The following NDC1 variants were observed in gnomAD, a reference collection of about 807,000 sequenced individuals.
NDC1 encodes NDC1 transmembrane nucleoporin, also known as nucleoporin NDC1.
A neutral mutation model predicts 89.8 loss-of-function variants in NDC1; 24 were observed. The ratio of observed to expected loss-of-function variants is 0.27; its 90% CI spans 0.19 to 0.38. NDC1 has a LOEUF of 0.38. Ranked by LOEUF, NDC1 falls within the 10% of genes least tolerant of loss-of-function variation. The pLI is 1.00. For missense variants in NDC1, 728 were observed against 797.6 expected (o/e 0.91, Z 1.05); for synonymous variants, 296 against 284.8 (o/e 1.04, Z -0.39).
Position 53,797,821 on chromosome 1 carries a change from T to C in NDC1, c.1223-677A>G, listed in dbSNP as rs187105886. ...TTTTTTTATTTTTTGTAGAGACAGA[T>C]TCGCCATGTTTCCCAGGTTGGTCTT... is the stretch of plus-strand genomic sequence containing the variant. On this transcript the variant is annotated intron_variant, in intron 11 of 17. Transcript: ENST00000371429. 6.6e-3 allele frequency among the ~76,000 whole-genome samples: 1,002 copies of C among 152,080 alleles called. 3 individuals are homozygous for C. Among genetic ancestry groups the C allele is most frequent in the Middle Eastern group, 0.017 (5 of 294 alleles).
intron 16 of NDC1, among the ~76,000 whole-genome samples, chr1:53,775,502 G>A (rs887393063): frequency 5.5e-4 from 84 of 152,046 alleles, no homozygotes; most frequent in Non-Finnish European, 7.2e-4. Flanking sequence ...CAAGTGATCC[G>A]CCCGCCTCAG....
intron 2 of NDC1, among the ~76,000 whole-genome samples, chr1:53,834,434 C>G (rs540761110): frequency 6.6e-5 from 10 of 152,266 alleles, no homozygotes; most frequent in African/African-American, 2.2e-4. Context: ...GATGGACGTA[C>G]GTCAACAAGA....
intron 5 of NDC1, among the ~76,000 whole-genome samples, chr1:53,822,768 G>T (rs1158898560): frequency 6.6e-6 from 1 of 151,856 alleles, no homozygotes; most frequent in East Asian, 1.9e-4. Flanking sequence ...CAGACTGTCT[G>T]GCAAAAAATA....
At chr1:53,805,821 TC>T (rs1648083779) in intron 9 of NDC1, among the ~76,000 whole-genome samples, 1 of 152,164 alleles carries the variant, frequency 6.6e-6, no homozygotes, top group African/African-American at 2.4e-5. Context: ...ACGCCTGTAA[TC>T]CCAGCACTTT....
At chr1:53,768,185 CTT>C in intron 17 of NDC1, 152 bp from the exon 18 acceptor site, 1 of 528,664 alleles carries the variant, frequency 1.9e-6, no homozygotes, top group Non-Finnish European at 3.3e-6. Flanking sequence ...GATGAAAACT[CTT>C]TTTAATCTAA....
At chr1:53,825,146 C>T (rs1648802679) in intron 5 of NDC1, among the ~76,000 whole-genome samples, 1 of 151,792 alleles carries the variant, frequency 6.6e-6, no homozygotes, top group African/African-American at 2.4e-5. Context: ...GCACTCCAGC[C>T]TGGGTGACAG....
chr1:53,830,157 A>C lies in NDC1; in HGVS notation c.281-1984T>G, dbSNP rs534077586. Reference sequence around the variant, plus strand: ...CAGAGTGAGACTCCATCTCAAAAAAAAAGAAAGAAAGCGAGGCTGGGCCCA... The same window carrying C: ...CAGAGTGAGACTCCATCTCAAAAAACAAGAAAGAAAGCGAGGCTGGGCCCA... On this transcript the variant is annotated intron_variant, in intron 3 of 17. Transcript: ENST00000371429. Among the ~76,000 whole-genome samples the C allele has an allele frequency of 2.7e-5, 4 of 146,482 alleles. No homozygotes were observed. In the East Asian group the frequency reaches 8.2e-4, roughly 30 times the overall value.
intron 10 of NDC1, among the ~76,000 whole-genome samples, chr1:53,803,256 G>A (rs990626108): frequency 1.8e-4 from 28 of 152,050 alleles, no homozygotes; most frequent in African/African-American, 6.0e-4. Flanking sequence ...TTGTAGAAGA[G>A]CGGTCTCATC....
At chr1:53,817,410 C>T (rs1344573990) in intron 6 of NDC1, among the ~76,000 whole-genome samples, 3 of 152,184 alleles carry the variant, frequency 2.0e-5, no homozygotes. Context: ...ATTGTATGTT[C>T]TCACTGATAC....
At chr1:53,827,909 G>T in intron 4 of NDC1, 90 bp downstream of exon 4, 1 of 972,238 alleles carries the variant, frequency 1.0e-6, no homozygotes, top group Non-Finnish European at 1.4e-6. Context: ...AGTCTGGAAA[G>T]CAAAGAATAC....
At chr1:53,836,583 C>T (rs1649242104) in intron 1 of NDC1, among the ~76,000 whole-genome samples, 1 of 152,046 alleles carries the variant, frequency 6.6e-6, no homozygotes, top group Non-Finnish European at 1.5e-5. Flanking sequence ...GCAACCTCCT[C>T]CTCCCGGGTT....
At chr1:53,808,977 C>A (rs1648206019) in intron 7 of NDC1, among the ~76,000 whole-genome samples, 1 of 152,202 alleles carries the variant, frequency 6.6e-6, no homozygotes, top group Non-Finnish European at 1.5e-5. Flanking sequence ...CTGAGAGAGA[C>A]TGACTTTTAT....
chr1:53,818,011 T>C (rs1369048227), intron 6 of NDC1, among the ~76,000 whole-genome samples: 1 of 152,164 alleles, frequency 6.6e-6, no homozygotes, highest in African/African-American at 2.4e-5. Flanking sequence ...TGTATTAGTA[T>C]CAAGTTACAA....
At chr1:53,822,820 T>C (rs576336226) in intron 5 of NDC1, among the ~76,000 whole-genome samples, 1 of 152,256 alleles carries the variant, frequency 6.6e-6, no homozygotes, top group South Asian at 2.1e-4. Flanking sequence ...TTGTTATTGC[T>C]TATAAAATTC....
Position 53,835,595 on chromosome 1 carries a change from C to G in NDC1, c.83G>C (p.Ser28Thr). 6.2e-7 allele frequency: 1 copy of G among 1,612,830 alleles called. No individual in the cohort carries two copies. Among genetic ancestry groups the G allele is most frequent in the South Asian group, 1.1e-5 (1 of 90,712 alleles). ...TAGAAATAGCACTGACCAAACAATA[C>G]TTGCAACTATCCTCCAGCCCAAAAC... ...WRVLGWRIVASIVWSVLFLPI... is the reference protein window; with the variant it reads ...WRVLGWRIVATIVWSVLFLPI... Residue 28 changes from serine to threonine, a missense_variant, in exon 2 of 18, where the codon AGT becomes ACT. By Grantham distance (58) the Ser-to-Thr change is moderately conservative. Coordinates refer to ENST00000371429, the MANE Select transcript of NDC1 (RefSeq NM_018087.5).
At chr1:53,770,382 C>T (rs1647101739) in intron 17 of NDC1, among the ~76,000 whole-genome samples, 2 of 152,150 alleles carry the variant, frequency 1.3e-5, no homozygotes, top group African/African-American at 4.8e-5. Flanking sequence ...TATCGGCTCA[C>T]TGCAACCTCC....
chr1:53,800,332 CTTT>C (rs1158363485), intron 11 of NDC1, among the ~76,000 whole-genome samples: 16 of 80,674 alleles, frequency 2.0e-4, no homozygotes, highest in South Asian at 4.9e-4. Flanking sequence ...CTACAGTCAT[CTTT>C]TTTTTTTTTT....
intron 10 of NDC1, 143 bp from the exon 11 acceptor site, chr1:53,800,991 T>A (rs1647894072): frequency 7.7e-6 from 5 of 652,210 alleles, no homozygotes; most frequent in South Asian, 6.7e-5. Flanking sequence ...TTTATACTCA[T>A]GACATCTAAT....
At position 53,785,678 on chromosome 1, in the gene NDC1, T is replaced by C. The variant is rs181918969; in HGVS notation, c.1800+1480A>G. 1.3e-4 allele frequency among the ~76,000 whole-genome samples: 20 copies of C among 152,140 alleles called. No homozygotes were observed. The East Asian group carries it at 3.7e-3, about 28-fold the overall frequency. ...ACCTCTACCTCCCGGGTTCAAGCGG[T>C]TCTCCCCCGTCAGCCTCATAAGTAG... On this transcript the variant is annotated intron_variant, in intron 16 of 17. Transcript: ENST00000371429.
Sources: allele counts gnomAD v4.1 joint callset (sites outside exome capture counted in the v4.1 genomes callset), GRCh38; gene constraint gnomAD v4.1.1; transcripts MANE v1.5; gene names NCBI Gene and HGNC (gene_info 2026-07-23, HGNC 2026-07-21).